The following GBP7 variants were observed in gnomAD, a reference collection of about 807,000 sequenced individuals.
The protein encoded by GBP7 is guanylate binding protein 7, also known as guanylate-binding protein 7.
In GBP7, 43 loss-of-function variants were observed where a neutral mutation model predicts 61.3. The ratio of observed to expected loss-of-function variants is 0.70; its 90% confidence interval spans 0.55 to 0.91. GBP7 has a LOEUF of 0.91. Ranked by LOEUF, GBP7 falls within the 40% of genes least tolerant of loss-of-function variation. GBP7 has a pLI of 0.00. For missense variants in GBP7, 717 were observed against 740.5 expected (o/e 0.97, Z 0.37); for synonymous variants, 267 against 271.0 (o/e 0.99, Z 0.14).
At chr1:89,168,697 G>C (rs1222546721) in intron 2 of GBP7, among the ~76,000 whole-genome samples, 3 of 152,064 alleles carry the variant, frequency 2.0e-5, no homozygotes, top group Non-Finnish European at 4.4e-5. Context: ...CATTTTGGGA[G>C]GCCAAGGCGG....
chr1:89,140,453 A>G (rs1681910933), intron 9 of GBP7, among the ~76,000 whole-genome samples: 1 of 86,690 alleles, frequency 1.2e-5, no homozygotes, highest in Non-Finnish European at 2.4e-5. Context: ...TAATAATAAA[A>G]AAAACTGAAA....
At chr1:89,160,113 A>G (rs1051019280) in intron 3 of GBP7, among the ~76,000 whole-genome samples, 2 of 152,214 alleles carry the variant, frequency 1.3e-5, no homozygotes, top group Admixed American at 1.3e-4. Flanking sequence ...TCACAAGGTC[A>G]GAAAAGCAAA....
At chr1:89,166,755 A>G (rs1193716819) in intron 2 of GBP7, among the ~76,000 whole-genome samples, 1 of 152,190 alleles carries the variant, frequency 6.6e-6, no homozygotes, top group Non-Finnish European at 1.5e-5. Context: ...ACAAAGGCTA[A>G]TGTTCTGAGG....
intron 9 of GBP7, among the ~76,000 whole-genome samples, chr1:89,140,497 G>A (rs1338377818): frequency 6.7e-6 from 1 of 148,222 alleles, no homozygotes; most frequent in Non-Finnish European, 1.5e-5. Context: ...AAGCACATGA[G>A]ATATCATCTC....
chr1:89,146,360 G>A (rs902291014), intron 8 of GBP7, among the ~76,000 whole-genome samples: 2 of 152,090 alleles, frequency 1.3e-5, no homozygotes, highest in African/African-American at 4.8e-5. Flanking sequence ...CCTTGACACT[G>A]GTCTTGGCAA....
At chr1:89,137,005 C>T (rs1413824207) in intron 9 of GBP7, among the ~76,000 whole-genome samples, 2 of 151,976 alleles carry the variant, frequency 1.3e-5, no homozygotes, top group Non-Finnish European at 2.9e-5. Context: ...TACAAAAAAT[C>T]CTGAGAGACT....
At chr1:89,172,172 T>C (rs898177418) in intron 1 of GBP7, among the ~76,000 whole-genome samples, 15 of 152,192 alleles carry the variant, frequency 9.9e-5, no homozygotes, top group Non-Finnish European at 1.6e-4. Context: ...ATGATAGGTA[T>C]GAAGAGTGCC....
intron 8 of GBP7, among the ~76,000 whole-genome samples, chr1:89,145,486 G>A (rs1682043874): frequency 6.6e-6 from 1 of 152,066 alleles, no homozygotes; most frequent in Non-Finnish European, 1.5e-5. Context: ...GATGGACACA[G>A]GTTGTTTTCA....
intron 2 of GBP7, among the ~76,000 whole-genome samples, chr1:89,167,232 C>T (rs1647469921): frequency 6.6e-6 from 1 of 152,192 alleles, no homozygotes; most frequent in African/African-American, 2.4e-5. Flanking sequence ...TTCATTTCCA[C>T]AGCTGACCTT....
intron 9 of GBP7, among the ~76,000 whole-genome samples, chr1:89,140,232 T>C (rs534069495): frequency 7.4e-6 from 1 of 134,334 alleles, no homozygotes; most frequent in Admixed American, 8.7e-5. Context: ...TAGGTGGGAA[T>C]TGAACAATAA....
At chr1:89,168,256 A>T (rs966112536) in intron 2 of GBP7, among the ~76,000 whole-genome samples, 2 of 152,150 alleles carry the variant, frequency 1.3e-5, no homozygotes, top group Admixed American at 1.3e-4. Flanking sequence ...GAAAAGAACT[A>T]GATAAGTATT....
rs1201288678 is a variant in GBP7, at chr1:89,139,768, C to T, written c.1468+1778G>A. On this transcript the variant is annotated intron_variant, in intron 9 of 10. Transcript: ENST00000294671. ...TACCATCTCACACCAGTTAGAATGGCGATCATTAAAAAGTCAGGAAACAAC... is the reference window on the plus strand; with the variant it reads ...TACCATCTCACACCAGTTAGAATGGTGATCATTAAAAAGTCAGGAAACAAC... Among the ~76,000 whole-genome samples the T allele has an allele frequency of 9.2e-5, 14 of 152,226 alleles. No individual in the cohort carries two copies. In the South Asian group the frequency reaches 1.2e-3, roughly 14 times the overall value.
At position 89,160,182 on chromosome 1, in the gene GBP7, T is replaced by A. The variant is rs1682406882; in HGVS notation, c.318+4549A>T. Reference sequence around the variant, plus strand: ...ACAATGAGATCACTTGGACACAGGGTGAGGAACATCACACACTGGGGCCTG... The same window carrying A: ...ACAATGAGATCACTTGGACACAGGGAGAGGAACATCACACACTGGGGCCTG... On this transcript the variant is annotated intron_variant, in intron 3 of 10. Coordinates refer to ENST00000294671, the MANE Select transcript of GBP7 (RefSeq NM_207398.3). Among the ~76,000 whole-genome samples, 6 of 151,986 alleles carry A rather than the reference T, an allele frequency of 3.9e-5. No homozygotes were observed. In the South Asian group the frequency reaches 1.3e-3, roughly 32 times the overall value.
At chr1:89,175,284 T>TG (rs1406989704) in intron 1 of GBP7, among the ~76,000 whole-genome samples, 4 of 152,186 alleles carry the variant, frequency 2.6e-5, no homozygotes, top group African/African-American at 9.7e-5. Flanking sequence ...CAGCAGAAGA[T>TG]GGAAAAAAAG....
rs768509356 is a variant in GBP7, at chr1:89,147,556, T to C, written c.1365+11A>G. ...CTCTGTCATCCATCCCCTTCTCCCC[T>C]TATTCCTCACCTTAACTCCTTTTCT... On this transcript the variant is annotated intron_variant, in intron 8 of 10. Transcript: ENST00000294671. The C allele has an allele frequency of 6.2e-7, 1 of 1,606,554 alleles. No homozygotes were observed. Among genetic ancestry groups the C allele is most frequent in the Non-Finnish European group, 8.5e-7 (1 of 1,173,058 alleles).
chr1:89,142,274 T>C (rs2100640722), intron 8 of GBP7, among the ~76,000 whole-genome samples: 1 of 152,316 alleles, frequency 6.6e-6, no homozygotes, highest in Non-Finnish European at 1.5e-5. Context: ...TTTTTTTCTC[T>C]TTTGAGACAG....
Position 89,133,419 on chromosome 1 carries a change from C to G in GBP7, c.1501G>C (p.Glu501Gln). 1 of 1,614,062 alleles carries G rather than the reference C, an allele frequency of 6.2e-7. No individual in the cohort carries two copies. The highest frequency in any genetic ancestry group is 1.3e-5 in the African/African-American group (1 of 75,014). ...TGTTTTTGTCTTAGCAGCTCCTGTT[C>G]CTTTTCAGCTGCCTCCTTCTTAGCC... ...KQAKKEAAEK[E>Q]QELLRQKQKE... Residue 501 changes from glutamate (E) to glutamine (Q), a missense_variant, in exon 10 of 11, where the codon GAA (glutamate) becomes CAA (glutamine). Glu to Gln is a conservative substitution (Grantham distance 29, BLOSUM62 2). Transcript: ENST00000294671.
chr1:89,148,560 A>T (rs1278725848), intron 7 of GBP7, among the ~76,000 whole-genome samples: 1 of 152,268 alleles, frequency 6.6e-6, no homozygotes, highest in East Asian at 1.9e-4. Flanking sequence ...AGCTCTTTGA[A>T]AGCAGAGCTT....
At chr1:89,160,899 C>T (rs1468734976) in intron 3 of GBP7, among the ~76,000 whole-genome samples, 13 of 151,438 alleles carry the variant, frequency 8.6e-5, no homozygotes, top group Non-Finnish European at 1.5e-4. Context: ...TAGCCAAGTA[C>T]GCATTAGTTT....
Sources: allele counts gnomAD v4.1 joint callset (sites outside exome capture counted in the v4.1 genomes callset), GRCh38; gene constraint gnomAD v4.1.1; transcripts MANE v1.5; gene names NCBI Gene and HGNC (gene_info 2026-07-23, HGNC 2026-07-21).